SYT14: variants seen among roughly 807,000 people sequenced by gnomAD.
The protein encoded by SYT14 is synaptotagmin-14.
SYT14 carries 32 observed loss-of-function variants against 74.2 expected under a neutral mutation model. The observed-to-expected ratio is 0.43, with a 90% CI of 0.33 to 0.58. The LOEUF (loss-of-function observed/expected upper bound fraction) is 0.58, where lower values mean the gene tolerates loss of function less well. Ranked by LOEUF, SYT14 falls within the 20% of genes least tolerant of loss-of-function variation. The pLI is 0.05. For missense variants in SYT14, 791 were observed against 981.8 expected, an observed-to-expected ratio of 0.81 and a Z score of 2.60; for synonymous variants, 298 against 337.7, an observed-to-expected ratio of 0.88 and a Z score of 1.29.
At chr1:210,141,112 C>T (rs949285029) in intron 7 of SYT14, among the ~76,000 whole-genome samples, 7 of 150,614 alleles carry the variant, frequency 4.6e-5, no homozygotes, top group South Asian at 2.1e-4. Context: ...CTGTTTGATC[C>T]GTACTTTGGG....
intron 2 of SYT14, among the ~76,000 whole-genome samples, chr1:209,994,971 C>T (rs991487994): frequency 6.6e-6 from 1 of 152,114 alleles, no homozygotes; most frequent in Non-Finnish European, 1.5e-5. Flanking sequence ...CTAGACCAGC[C>T]ATATAAGAAG....
rs577928577 is a variant in SYT14 at position 209,944,633 on chromosome 1, C to G, written c.-534+6356C>G. 5.3e-5 allele frequency among the ~76,000 whole-genome samples: 8 copies of G among 152,176 alleles called. No homozygotes were observed. The South Asian group carries it at 1.2e-3, about 24-fold the overall frequency. ...TGAGTTTGTAAAAGTATAGAAAGGACTTGACTTTTTCAGACTATTTTAATT... is the reference window on the plus strand; with the variant it reads ...TGAGTTTGTAAAAGTATAGAAAGGAGTTGACTTTTTCAGACTATTTTAATT... On this transcript the variant is annotated intron_variant, in intron 1 of 9. Transcript: ENST00000637265.
chr1:209,938,273 T>A, exon 1 of SYT14: 1 of 1,561,408 alleles, frequency 6.4e-7, no homozygotes, highest in Non-Finnish European at 8.7e-7. Flanking sequence ...TCATGGCGAT[T>A]GAAGGTAAGT....
intron 2 of SYT14, among the ~76,000 whole-genome samples, chr1:209,960,619 G>A (rs2079062029): frequency 6.6e-6 from 1 of 152,104 alleles, no homozygotes; most frequent in African/African-American, 2.4e-5. Context: ...GCCACCTGTG[G>A]TTTTTTGAAT....
intron 5 of SYT14, among the ~76,000 whole-genome samples, chr1:210,035,231 A>G (rs1572191302): frequency 6.6e-6 from 1 of 151,672 alleles, no homozygotes; most frequent in Non-Finnish European, 1.5e-5. Flanking sequence ...ATGTGTATTC[A>G]TTTCCTTTGC....
At chr1:210,150,544 T>C (rs1245151359) in intron 7 of SYT14, among the ~76,000 whole-genome samples, 3 of 152,196 alleles carry the variant, frequency 2.0e-5, no homozygotes, top group Non-Finnish European at 4.4e-5. Context: ...GCCTTGCTGC[T>C]AGAGATGAAG....
intron 2 of SYT14, among the ~76,000 whole-genome samples, chr1:210,012,219 A>C (rs907916880): frequency 4.6e-5 from 7 of 152,208 alleles, no homozygotes; most frequent in African/African-American, 1.7e-4. Flanking sequence ...ATCTTTCAGC[A>C]CTGGAATAAG....
chr1:209,951,961 T>C (rs1039150719), intron 1 of SYT14, among the ~76,000 whole-genome samples: 1 of 152,106 alleles, frequency 6.6e-6, no homozygotes, highest in Non-Finnish European at 1.5e-5. Flanking sequence ...CTCAGGGGAT[T>C]AGGTACTTCT....
chr1:210,018,211 G>T (rs1245986714), intron 4 of SYT14, among the ~76,000 whole-genome samples: 1 of 152,168 alleles, frequency 6.6e-6, no homozygotes, highest in African/African-American at 2.4e-5. Context: ...TCGGCTCACT[G>T]CCATCTCTGC....
exon 3 of SYT14, chr1:210,013,785 C>A: frequency 6.2e-7 from 1 of 1,611,674 alleles, no homozygotes; most frequent in East Asian, 2.2e-5. Flanking sequence ...GAAGAATTCA[C>A]AAGATAAAAT....
rs1170362876 is a variant in SYT14 at position 210,071,892 on chromosome 1, G to A, written c.1313-22430G>A. Among the ~76,000 whole-genome samples, 3 of 151,566 alleles carry A rather than the reference G, an allele frequency of 2.0e-5. No individual in the cohort carries two copies. The East Asian group carries it at 5.8e-4, about 29-fold the overall frequency. On this transcript the variant is annotated intron_variant, in intron 5 of 9. Transcript: ENST00000637265. ...GACCTCTTTTGAAATTTTTTATTAT[G>A]GGCTATATAATATGAATGTTCCTAT...
intron 2 of SYT14, among the ~76,000 whole-genome samples, chr1:209,990,733 A>G (rs2079668305): frequency 7.2e-6 from 1 of 138,166 alleles, no homozygotes; most frequent in South Asian, 2.3e-4. Flanking sequence ...CCATAAATAT[A>G]TACACTTATA....
exon 10 of SYT14, chr1:210,161,148 A>T: frequency 7.9e-7 from 1 of 1,267,424 alleles, no homozygotes; most frequent in South Asian, 1.2e-5. Flanking sequence ...GAAGAATCAT[A>T]TTCAACCTTC....
At chr1:209,988,423 G>A (rs530837019) in intron 2 of SYT14, among the ~76,000 whole-genome samples, 160 of 152,062 alleles carry the variant, frequency 1.1e-3, no homozygotes, top group Middle Eastern at 3.4e-3. Flanking sequence ...AGTCAGTTTC[G>A]ATTGATTAAT....
chr1:210,040,945 G>C (rs917860926), intron 5 of SYT14, among the ~76,000 whole-genome samples: 8 of 152,182 alleles, frequency 5.3e-5, no homozygotes, highest in African/African-American at 1.7e-4. Context: ...CATGATCTCT[G>C]TTCTTCTACG....
intron 5 of SYT14, among the ~76,000 whole-genome samples, chr1:210,052,253 C>T (rs1434590447): frequency 1.3e-5 from 2 of 151,300 alleles, no homozygotes; most frequent in Non-Finnish European, 2.9e-5. Context: ...CAGAGTCTTG[C>T]TCTGTCGCCC....
chr1:210,050,011 G>C (rs1409540308), intron 5 of SYT14, among the ~76,000 whole-genome samples: 2 of 152,114 alleles, frequency 1.3e-5, no homozygotes, highest in African/African-American at 4.8e-5. Flanking sequence ...TTAACGTTTG[G>C]TTCCTCATTA....
At chr1:210,064,806 C>T (rs1327618760) in intron 5 of SYT14, among the ~76,000 whole-genome samples, 1 of 151,982 alleles carries the variant, frequency 6.6e-6, no homozygotes, top group Non-Finnish European at 1.5e-5. Flanking sequence ...GGGTCACATG[C>T]TAATTCTATG....
At position 209,952,703 on chromosome 1, in the gene SYT14, TA is replaced by T; in HGVS notation, c.-533-4del. 6.2e-7 allele frequency: 1 copy of T among 1,609,404 alleles called. No homozygotes were observed. The highest frequency in any genetic ancestry group is 8.5e-7 in the Non-Finnish European group (1 of 1,177,598). On this transcript the variant is annotated splice_region_variant and splice_polypyrimidine_tract_variant and intron_variant, in intron 1 of 9. Transcript: ENST00000637265. The stretch of plus-strand genomic sequence containing the variant: ...TTTTTAACTTCCCATAAACTTTTTT[TA>T]ATAGGTGGAGAGAGAACCTGTGGAG...
Sources: gnomAD v4.1 joint callset for allele counts (sites outside exome capture counted in the v4.1 genomes callset) on GRCh38, gnomAD v4.1.1 for gene constraint, MANE v1.5 for transcripts, NCBI Gene and HGNC (gene_info 2026-07-23, HGNC 2026-07-21) for gene names.